Variants in GMDS observed in about 807,000 individuals in gnomAD.
GMDS encodes GDP-mannose 4,6-dehydratase.
In GMDS, 20 loss-of-function variants were observed where a neutral mutation model predicts 49.9. The ratio of observed to expected loss-of-function variants is 0.40; its 90% CI spans 0.28 to 0.58. GMDS has a LOEUF of 0.58. Among genes scored for constraint, GMDS ranks in the 20% least tolerant of loss-of-function variants. The pLI, the probability that GMDS is intolerant of heterozygous loss-of-function variation, is 0.42. For synonymous variants in GMDS, 177 were observed against 178.6 expected (o/e 0.99, Z 0.07); for missense variants, 362 against 481.4 (o/e 0.75, Z 2.32).
intron 7 of GMDS, among the ~76,000 whole-genome samples, chr6:1,926,387 T>C (rs1001133175): frequency 3.9e-5 from 6 of 152,118 alleles, no homozygotes; most frequent in Non-Finnish European, 8.8e-5. Context: ...ATCTGCATGC[T>C]CCTCCAAGAG....
chr6:2,089,863 T>C (rs1324299326), intron 4 of GMDS, among the ~76,000 whole-genome samples: 1 of 152,210 alleles, frequency 6.6e-6, no homozygotes, highest in Non-Finnish European at 1.5e-5. Context: ...ACTCCTGCTC[T>C]GCGTAGCACA....
intron 4 of GMDS, among the ~76,000 whole-genome samples, chr6:2,078,142 G>T (rs992926539): frequency 2.6e-5 from 4 of 151,610 alleles, no homozygotes; most frequent in African/African-American, 9.7e-5. Context: ...TTTTATTTCT[G>T]ATTTATGTGG....
At chr6:1,804,427 C>A (rs1272252675) in intron 7 of GMDS, among the ~76,000 whole-genome samples, 2 of 152,268 alleles carry the variant, frequency 1.3e-5, no homozygotes, top group East Asian at 3.8e-4. Context: ...CCACTGGTAA[C>A]TGTGGCGTCT....
intron 7 of GMDS, among the ~76,000 whole-genome samples, chr6:1,899,674 A>C (rs75471561): frequency 0.018 from 2,669 of 152,332 alleles, 80 homozygotes; most frequent in African/African-American, 0.061. Context: ...TTCAGTGGAA[A>C]CTTAGCTCAC....
chr6:1,916,409 T>C (rs893137435), intron 7 of GMDS, among the ~76,000 whole-genome samples: 2 of 151,818 alleles, frequency 1.3e-5, no homozygotes, highest in Admixed American at 6.6e-5. Context: ...CATATTGTAT[T>C]CCTACCCCAC....
chr6:2,142,241 C>T (rs569428298), intron 1 of GMDS, among the ~76,000 whole-genome samples: 29 of 152,148 alleles, frequency 1.9e-4, no homozygotes, highest in South Asian at 1.2e-3. Context: ...CTGGCAAAAG[C>T]GGGATCTGTT....
intron 7 of GMDS, among the ~76,000 whole-genome samples, chr6:1,881,660 A>G (rs1156489894): frequency 6.6e-6 from 1 of 152,222 alleles, no homozygotes; most frequent in Non-Finnish European, 1.5e-5. Flanking sequence ...TTCTGTTTTC[A>G]GCAAACTTCT....
chr6:2,129,008 C>T (rs937940678), intron 1 of GMDS, among the ~76,000 whole-genome samples: 1 of 152,190 alleles, frequency 6.6e-6, no homozygotes, highest in African/African-American at 2.4e-5. Flanking sequence ...GGCCAGGTTT[C>T]AGTGTTCCTG....
chr6:2,205,720 T>C (rs139126246), intron 1 of GMDS, among the ~76,000 whole-genome samples: 20 of 152,218 alleles, frequency 1.3e-4, no homozygotes, highest in African/African-American at 3.9e-4. Context: ...CCCCCACAGA[T>C]TGCTACAAGT....
chr6:2,077,987 G>GT (rs1249020622), intron 4 of GMDS, among the ~76,000 whole-genome samples: 1 of 151,862 alleles, frequency 6.6e-6, no homozygotes, highest in Non-Finnish European at 1.5e-5. Flanking sequence ...CAGGCTTTCT[G>GT]TTTTTTCCAG....
intron 4 of GMDS, among the ~76,000 whole-genome samples, chr6:1,996,978 A>G (rs4959621): frequency 0.43 from 64,648 of 151,534 alleles, 14,029 homozygotes; most frequent in African/African-American, 0.51. Context: ...GAATTTTCCA[A>G]GTAAGTCTTC....
At chr6:1,872,151 C>T (rs1399377220) in intron 7 of GMDS, among the ~76,000 whole-genome samples, 1 of 152,224 alleles carries the variant, frequency 6.6e-6, no homozygotes, top group Admixed American at 6.5e-5. Flanking sequence ...GACAACAATG[C>T]CCTTGGCACA....
intron 9 of GMDS, among the ~76,000 whole-genome samples, chr6:1,711,370 C>T (rs4499972): frequency 0.23 from 35,606 of 152,196 alleles, 4,628 homozygotes; most frequent in African/African-American, 0.35. Flanking sequence ...ATGAGTCTGA[C>T]GTACTAGGCT....
intron 1 of GMDS, among the ~76,000 whole-genome samples, chr6:2,184,012 C>T (rs1338242141): frequency 6.6e-6 from 1 of 152,106 alleles, no homozygotes; most frequent in African/African-American, 2.4e-5. Context: ...TTATATATAA[C>T]TTGTATATGC....
rs1374025443 is a variant in GMDS, at chr6:2,015,796, T to C, written c.346-54830A>G. 3.3e-5 allele frequency among the ~76,000 whole-genome samples: 5 copies of C among 152,322 alleles called. No individual in the cohort carries two copies. The East Asian group carries it at 9.6e-4, about 29-fold the overall frequency. On this transcript the variant is annotated intron_variant, in intron 4 of 10. Coordinates refer to ENST00000380815, the MANE Select transcript of GMDS (RefSeq NM_001500.4). ...CCTTTCCATCTTAACTGGACATTTA[T>C]CATGCAATGTGGCCCAAATTTTGCA...
At chr6:1,659,594 C>A (rs1163384200) in intron 9 of GMDS, among the ~76,000 whole-genome samples, 1 of 152,118 alleles carries the variant, frequency 6.6e-6, no homozygotes, top group African/African-American at 2.4e-5. Flanking sequence ...GGTGATAGCA[C>A]CCAGTGGACC....
At chr6:1,947,773 A>C (rs1441357769) in intron 6 of GMDS, among the ~76,000 whole-genome samples, 1 of 152,260 alleles carries the variant, frequency 6.6e-6, no homozygotes, top group East Asian at 1.9e-4. Context: ...AAACAACAGA[A>C]GCAAAGACCA....
At chr6:1,870,064 C>T (rs575870082) in intron 7 of GMDS, among the ~76,000 whole-genome samples, 1 of 152,364 alleles carries the variant, frequency 6.6e-6, no homozygotes, top group Non-Finnish European at 1.5e-5. Flanking sequence ...CCTTCCTGGG[C>T]AGATAGGAAG....
intron 4 of GMDS, among the ~76,000 whole-genome samples, chr6:2,011,683 G>A (rs1456067798): frequency 6.6e-6 from 1 of 152,228 alleles, no homozygotes; most frequent in Non-Finnish European, 1.5e-5. Flanking sequence ...AAAGGCTGAG[G>A]TGGAAGGATT....
Sources: allele counts gnomAD v4.1 joint callset (sites outside exome capture counted in the v4.1 genomes callset), GRCh38; gene constraint gnomAD v4.1.1; transcripts MANE v1.5; gene names NCBI Gene and HGNC (gene_info 2026-07-23, HGNC 2026-07-21).